Variants in GPC5 observed in about 807,000 individuals in gnomAD.
GPC5 encodes glypican-5.
In GPC5, 47 loss-of-function variants were observed where a neutral mutation model predicts 53.9. The observed-to-expected ratio is 0.87, with a 90% CI of 0.69 to 1.11. GPC5 has a LOEUF of 1.11. Among genes scored for constraint, GPC5 ranks in the 50% most tolerant of loss-of-function variants. The pLI, the probability that GPC5 is intolerant of heterozygous loss-of-function variation, is 0.00. For missense variants in GPC5, 748 were observed against 713.1 expected (o/e 1.05, Z -0.56); for synonymous variants, 286 against 263.3 (o/e 1.09, Z -0.84).
Position 91,656,831 on chromosome 13 carries a change from A to G in GPC5, c.326-36356A>G, listed in dbSNP as rs547183421. 1.8e-4 allele frequency among the ~76,000 whole-genome samples: 28 copies of G among 152,306 alleles called. No homozygotes were observed. The East Asian group carries it at 5.2e-3, about 28-fold the overall frequency. On this transcript the variant is annotated intron_variant, in intron 2 of 7. Transcript: ENST00000377067. ...TGTCCATGTGTTCAACAAATTACATAATGTTTGTCCATTTGTTCAACAAAT... is the reference window on the plus strand; with the variant it reads ...TGTCCATGTGTTCAACAAATTACATGATGTTTGTCCATTTGTTCAACAAAT...
chr13:92,365,552 T>C (rs2043600957), intron 7 of GPC5, among the ~76,000 whole-genome samples: 1 of 151,902 alleles, frequency 6.6e-6, no homozygotes, highest in Admixed American at 6.5e-5. Flanking sequence ...TTTTGACTCT[T>C]GTTATAACAC....
At chr13:91,620,254 G>T (rs1465442203) in intron 2 of GPC5, among the ~76,000 whole-genome samples, 2 of 151,994 alleles carry the variant, frequency 1.3e-5, no homozygotes, top group Non-Finnish European at 2.9e-5. Flanking sequence ...AAATATGATA[G>T]TACTGTTTTA....
chr13:92,567,182 G>T (rs1241516324), intron 7 of GPC5, among the ~76,000 whole-genome samples: 1 of 152,038 alleles, frequency 6.6e-6, no homozygotes. Context: ...AAAATTTCCC[G>T]AGGCCAAAAT....
At chr13:92,266,019 C>G (rs141132380) in intron 7 of GPC5, among the ~76,000 whole-genome samples, 1 of 152,140 alleles carries the variant, frequency 6.6e-6, no homozygotes, top group Non-Finnish European at 1.5e-5. Context: ...CCCGTAATAA[C>G]GAACACACTC....
At chr13:92,422,712 C>A (rs1876634226) in intron 7 of GPC5, among the ~76,000 whole-genome samples, 1 of 152,116 alleles carries the variant, frequency 6.6e-6, no homozygotes, top group Admixed American at 6.6e-5. Flanking sequence ...AAAGTGACAA[C>A]CTCAGTGGCT....
chr13:92,350,609 T>G (rs2139266556), intron 7 of GPC5, among the ~76,000 whole-genome samples: 1 of 152,274 alleles, frequency 6.6e-6, no homozygotes, highest in Admixed American at 6.5e-5. Flanking sequence ...TGCTCAGATC[T>G]ATTGCACAGC....
intron 7 of GPC5, among the ~76,000 whole-genome samples, chr13:92,495,814 A>G (rs766281039): frequency 3.4e-4 from 52 of 151,836 alleles, no homozygotes; most frequent in Non-Finnish European, 6.6e-4. Context: ...TTGAAAGTCT[A>G]TTTTTCAACC....
At chr13:92,842,254 A>G (rs999126495) in intron 7 of GPC5, among the ~76,000 whole-genome samples, 8 of 152,162 alleles carry the variant, frequency 5.3e-5, no homozygotes, top group African/African-American at 1.9e-4. Flanking sequence ...GCAGAAACCA[A>G]GAGATTCCTG....
chr13:91,915,008 T>C (rs2039645110), intron 6 of GPC5, among the ~76,000 whole-genome samples: 2 of 152,132 alleles, frequency 1.3e-5, no homozygotes, highest in Non-Finnish European at 2.9e-5. Flanking sequence ...TCTGTGAACT[T>C]ATTTCACTTG....
intron 7 of GPC5, among the ~76,000 whole-genome samples, chr13:92,530,791 G>A (rs1385836342): frequency 6.6e-6 from 1 of 152,066 alleles, no homozygotes; most frequent in Non-Finnish European, 1.5e-5. Context: ...GCACATTTCT[G>A]TATGTCTCTC....
At chr13:92,697,661 C>G (rs1014888153) in intron 7 of GPC5, among the ~76,000 whole-genome samples, 2 of 152,184 alleles carry the variant, frequency 1.3e-5, no homozygotes, top group Non-Finnish European at 2.9e-5. Flanking sequence ...TTGAGTTCCT[C>G]TTTTCCTAAT....
chr13:91,692,231 T>TA (rs1272701738), intron 2 of GPC5, among the ~76,000 whole-genome samples: 2 of 152,242 alleles, frequency 1.3e-5, no homozygotes, highest in Non-Finnish European at 2.9e-5. Flanking sequence ...ATATGATTAA[T>TA]AATGTGGTCA....
intron 7 of GPC5, among the ~76,000 whole-genome samples, chr13:92,402,617 A>G (rs1317349760): frequency 3.3e-5 from 5 of 152,232 alleles, no homozygotes; most frequent in African/African-American, 1.2e-4. Flanking sequence ...TGGAACATGC[A>G]GCCTAGACCC....
chr13:92,294,133 G>A (rs149373999), intron 7 of GPC5, among the ~76,000 whole-genome samples: 10,739 of 152,106 alleles, frequency 0.071, 1,286 homozygotes, highest in African/African-American at 0.24. Flanking sequence ...TGTTCATCAG[G>A]GATATCAGTC....
chr13:91,994,824 T>G (rs1244194406), intron 6 of GPC5: 2 of 151,562 alleles, frequency 1.3e-5, no homozygotes, highest in Admixed American at 1.3e-4. Context: ...TCCTTATAAT[T>G]AAAACAACGA....
intron 6 of GPC5, among the ~76,000 whole-genome samples, chr13:92,020,537 G>A (rs1193463238): frequency 6.6e-6 from 1 of 151,616 alleles, no homozygotes; most frequent in Admixed American, 6.6e-5. Flanking sequence ...ATCTCATTGT[G>A]GTTTTTGGTT....
chr13:91,965,173 G>A (rs1335863674), intron 6 of GPC5, among the ~76,000 whole-genome samples: 2 of 151,946 alleles, frequency 1.3e-5, no homozygotes, highest in African/African-American at 2.4e-5. Flanking sequence ...CATGGCAAAT[G>A]TATACATGTG....
chr13:91,469,478 G>A (rs763774188), intron 2 of GPC5, among the ~76,000 whole-genome samples: 28 of 151,110 alleles, frequency 1.9e-4, no homozygotes, highest in Non-Finnish European at 5.9e-5. Flanking sequence ...TATTGCCCAG[G>A]CTGGTCTTGA....
chr13:91,702,837 A>G (rs1046551876), intron 3 of GPC5, among the ~76,000 whole-genome samples: 2 of 151,944 alleles, frequency 1.3e-5, no homozygotes, highest in African/African-American at 2.4e-5. Context: ...TTCAGTGTAC[A>G]TATCTTCAAC....
Sources: gnomAD v4.1 joint callset for allele counts (sites outside exome capture counted in the v4.1 genomes callset) on GRCh38, gnomAD v4.1.1 for gene constraint, MANE v1.5 for transcripts, NCBI Gene and HGNC (gene_info 2026-07-23, HGNC 2026-07-21) for gene names.